ADCY10: variants seen among roughly 807,000 people sequenced by gnomAD.
ADCY10 encodes the protein adenylate cyclase 10.
A neutral mutation model predicts 183.3 loss-of-function variants in ADCY10; 156 were observed. That is an observed-to-expected ratio of 0.85 (90% confidence interval 0.75 to 0.97). The LOEUF (loss-of-function observed/expected upper bound fraction) is 0.97, where lower values mean the gene tolerates loss of function less well. ADCY10 is among the 50% of genes least tolerant of loss of function. The pLI is 0.00. For missense variants in ADCY10, 1,745 were observed against 1,934.3 expected (o/e 0.90, Z 1.84); for synonymous variants, 645 against 670.0 (o/e 0.96, Z 0.58).
rs552703226 is a variant in ADCY10 at position 167,901,906 on chromosome 1, C to T, written c.293-101G>A. ...ACTTACTCATCAAGCATTCCTCAGC[C>T]TATCTCCTGGCCACTCCCTTCTCTA... On this transcript the variant is annotated intron_variant, in intron 4 of 32. Coordinates refer to ENST00000367851, the MANE Select transcript of ADCY10 (RefSeq NM_018417.6). 3.4e-5 allele frequency: 55 copies of T among 1,609,126 alleles called. No homozygotes were observed. The South Asian group carries it at 5.5e-4, about 16-fold the overall frequency.
intron 1 of ADCY10, among the ~76,000 whole-genome samples, chr1:167,912,124 A>G (rs1480794483): frequency 6.6e-6 from 1 of 152,234 alleles, no homozygotes; most frequent in African/African-American, 2.4e-5. Context: ...TTCTACAGGC[A>G]CATACCACAT....
chr1:167,844,967 T>G (rs1664895925), intron 21 of ADCY10, among the ~76,000 whole-genome samples: 1 of 152,192 alleles, frequency 6.6e-6, no homozygotes, highest in African/African-American at 2.4e-5. Flanking sequence ...ACTGAGTCTT[T>G]GGGTCCTTAC....
chr1:167,816,415 G>A (rs1204214972), intron 31 of ADCY10, among the ~76,000 whole-genome samples: 6 of 152,080 alleles, frequency 3.9e-5, no homozygotes, highest in East Asian at 3.9e-4. Flanking sequence ...GCATGTTGGC[G>A]GGCACCTGTA....
chr1:167,866,973 C>A (rs12137219), intron 14 of ADCY10, among the ~76,000 whole-genome samples: 45,089 of 151,954 alleles, frequency 0.3, 7,392 homozygotes, highest in African/African-American at 0.44. Flanking sequence ...AACATAAAGT[C>A]CCCCCCATGC....
At chr1:167,811,514 G>A (rs1191709192) in intron 31 of ADCY10, among the ~76,000 whole-genome samples, 2 of 152,198 alleles carry the variant, frequency 1.3e-5, no homozygotes, top group Admixed American at 6.5e-5. Flanking sequence ...TTGAACCAGG[G>A]AGGCAGAGGT....
At chr1:167,853,263 A>G (rs1325870333) in intron 18 of ADCY10, among the ~76,000 whole-genome samples, 1 of 152,176 alleles carries the variant, frequency 6.6e-6, no homozygotes, top group African/African-American at 2.4e-5. Flanking sequence ...GAGGCTTCCA[A>G]TTCCAGGAAG....
At chr1:167,872,027 A>T (rs985366186) in intron 13 of ADCY10, among the ~76,000 whole-genome samples, 1 of 152,022 alleles carries the variant, frequency 6.6e-6, no homozygotes. Context: ...ATAATAATAA[A>T]AAATAAATAA....
intron 1 of ADCY10, among the ~76,000 whole-genome samples, 154 bp from the exon 2 acceptor site, chr1:167,905,352 A>G (rs553834505): frequency 6.6e-6 from 1 of 152,228 alleles, no homozygotes; most frequent in Non-Finnish European, 1.5e-5. Context: ...GCCAATTTCT[A>G]TACAGAGGAA....
rs908885667 is a variant in ADCY10 at position 167,905,053 on chromosome 1, A to T, written c.88T>A (p.Ser30Thr). The change falls in exon 2 of 33, where the codon TCC (serine) becomes ACC (threonine). Residue 30 changes from serine to threonine, a missense_variant. Coordinates refer to ENST00000367851, the MANE Select transcript of ADCY10 (RefSeq NM_018417.6). ...TAATCCATAAAGGGTCGCTCTGGGGAGAAATGTCCATAGACAATGAGGTCT... is the reference window on the plus strand; with the variant it reads ...TAATCCATAAAGGGTCGCTCTGGGGTGAAATGTCCATAGACAATGAGGTCT... ...LPDLIVYGHFSPERPFMDYFD... is the reference protein window; with the variant it reads ...LPDLIVYGHFTPERPFMDYFD... 6.2e-7 allele frequency: 1 copy of T among 1,614,206 alleles called. No homozygotes were observed. Among genetic ancestry groups the T allele is most frequent in the Non-Finnish European group, 8.5e-7 (1 of 1,180,044 alleles).
intron 7 of ADCY10, among the ~76,000 whole-genome samples, chr1:167,895,563 G>A (rs893837134): frequency 6.6e-6 from 1 of 152,216 alleles, no homozygotes; most frequent in African/African-American, 2.4e-5. Context: ...GTTCAGATAC[G>A]TTAATATTAG....
At chr1:167,881,067 C>T (rs1346462671) in intron 9 of ADCY10, among the ~76,000 whole-genome samples, 1 of 152,208 alleles carries the variant, frequency 6.6e-6, no homozygotes, top group African/African-American at 2.4e-5. Flanking sequence ...AATGGATATA[C>T]TGTAGACCTG....
At chr1:167,892,751 C>A (rs80124755) in intron 8 of ADCY10, among the ~76,000 whole-genome samples, 5,065 of 152,192 alleles carry the variant, frequency 0.033, 190 homozygotes, top group African/African-American at 0.088. Context: ...ACTGGACAGG[C>A]CTTTGTTACA....
In ADCY10 at chr1:167,880,536, C is replaced by T. The variant is rs758337538; in HGVS notation, c.1094G>A (p.Cys365Tyr). The part of the protein sequence containing the change: ...VPDELTHALE[C>Y]AMDIFDFCSQ... ...GCAGAAGTCAAATATATCCATAGCA[C>T]ATTCCAGAGCATGAGTGAGCTCGTC... The change falls in exon 10 of 33, where the codon TGT becomes TAT. Residue 365 changes from cysteine to tyrosine, a missense_variant. Cys to Tyr is a radical substitution (Grantham distance 194, BLOSUM62 -2). Transcript: ENST00000367851. 3.7e-6 allele frequency: 6 copies of T among 1,614,166 alleles called. No individual in the cohort carries two copies. The highest frequency in any genetic ancestry group is 5.1e-6 in the Non-Finnish European group (6 of 1,180,024).
In ADCY10 at chr1:167,845,588, C is replaced by G; in HGVS notation, c.2982G>C (p.Lys994Asn). ...LNALDMDAIK[K>N]MAMSHGFKTE... Reference sequence around the variant, plus strand: ...TTTTAAATCCATGAGACATAGCCATCTTTTTAATGGCATCCATGTCTAAAG... The same window carrying G: ...TTTTAAATCCATGAGACATAGCCATGTTTTTAATGGCATCCATGTCTAAAG... The change falls in exon 21 of 33, where the codon AAG (lysine) becomes AAC (asparagine). Residue 994 changes from lysine to asparagine, a missense_variant. By Grantham distance (94) the Lys-to-Asn change is moderately conservative. Transcript: ENST00000367851. The G allele has an allele frequency of 6.2e-7, 1 of 1,614,192 alleles. No individual in the cohort carries two copies. Among genetic ancestry groups the G allele is most frequent in the East Asian group, 2.2e-5 (1 of 44,886 alleles).
rs770154786 is a variant in ADCY10 at position 167,883,453 on chromosome 1, A to T, written c.1004T>A (p.Val335Asp). The stretch of plus-strand genomic sequence containing the variant: ...CACACTTACCTTGTCAAACATGAAG[A>T]CTTTATTGATTTGGCCTTGGAAGAT... ...LKIFQGQINK[V>D]FMFDKGCSFL... The change falls in exon 9 of 33, where the codon GTC becomes GAC. Residue 335 changes from valine to aspartate, a missense_variant. Transcript: ENST00000367851. The T allele has an allele frequency of 8.1e-6, 13 of 1,614,070 alleles. No homozygotes were observed. The highest frequency in any genetic ancestry group is 1.0e-5 in the Non-Finnish European group (12 of 1,180,044).
intron 32 of ADCY10, 132 bp from the exon 33 acceptor site, chr1:167,809,971 T>G (rs1041882379): frequency 1.2e-6 from 1 of 868,492 alleles, no homozygotes; most frequent in African/African-American, 1.7e-5. Flanking sequence ...AAACGAATCT[T>G]GCTGTCCAAA....
chr1:167,911,174 A>T (rs1358696768), intron 1 of ADCY10, among the ~76,000 whole-genome samples: 2 of 152,230 alleles, frequency 1.3e-5, no homozygotes, highest in Non-Finnish European at 2.9e-5. Flanking sequence ...AGTTTTAGGA[A>T]GTGTTGAATA....
intron 5 of ADCY10, 23 bp downstream of exon 5, chr1:167,901,638 AT>A (rs763989014): frequency 1.2e-6 from 2 of 1,612,940 alleles, no homozygotes; most frequent in South Asian, 2.2e-5. Flanking sequence ...CTGCCGTAGG[AT>A]TTATTCCTTC....
chr1:167,908,890 G>A (rs7513795), intron 1 of ADCY10, among the ~76,000 whole-genome samples: 20,779 of 152,202 alleles, frequency 0.14, 1,887 homozygotes, highest in African/African-American at 0.26. Flanking sequence ...CTGCAAATTA[G>A]TGCTATCTTT....
Sources: gnomAD v4.1 joint callset for allele counts (sites outside exome capture counted in the v4.1 genomes callset) on GRCh38, gnomAD v4.1.1 for gene constraint, MANE v1.5 for transcripts, NCBI Gene and HGNC (gene_info 2026-07-23, HGNC 2026-07-21) for gene names.